The following GPC6 variants were observed in gnomAD, a reference collection of about 807,000 sequenced individuals.
GPC6 encodes glypican 6.
A neutral mutation model predicts 55.2 loss-of-function variants in GPC6; 14 were observed. The observed-to-expected ratio is 0.25, with a 90% CI of 0.17 to 0.40. GPC6 has a LOEUF of 0.40. Ranked by LOEUF, GPC6 falls within the 10% of genes least tolerant of loss-of-function variation. GPC6 has a pLI of 1.00. For missense variants in GPC6, 641 were observed against 708.5 expected (o/e 0.90, Z 1.08); for synonymous variants, 278 against 259.6 (o/e 1.07, Z -0.68).
At chr13:93,652,253 A>G (rs1482666074) in intron 2 of GPC6, among the ~76,000 whole-genome samples, 1 of 152,128 alleles carries the variant, frequency 6.6e-6, no homozygotes, top group Non-Finnish European at 1.5e-5. Context: ...CGGTGAATTT[A>G]TTTTTATAAT....
chr13:93,774,922 A>G (rs1341134681), intron 2 of GPC6, among the ~76,000 whole-genome samples: 1 of 152,152 alleles, frequency 6.6e-6, no homozygotes, highest in Non-Finnish European at 1.5e-5. Context: ...CAGAGAGCTC[A>G]GCCAAGGCCC....
chr13:93,610,280 T>C (rs2139538391), intron 2 of GPC6, among the ~76,000 whole-genome samples: 1 of 152,334 alleles, frequency 6.6e-6, no homozygotes, highest in South Asian at 2.1e-4. Flanking sequence ...ACTGACTCTC[T>C]CAACATCAGA....
intron 1 of GPC6, among the ~76,000 whole-genome samples, chr13:93,393,107 G>GATATATATATATAT (rs374414019): frequency 1.6e-4 from 18 of 114,764 alleles, no homozygotes; most frequent in South Asian, 1.5e-3. Flanking sequence ...ATGTATATTT[G>GATATATATATATAT]ATATATATAT....
Position 94,364,144 on chromosome 13 carries a change from C to T in GPC6, c.1153-18270C>T, listed in dbSNP as rs368322827. On this transcript the variant is annotated intron_variant, in intron 6 of 8. Coordinates refer to ENST00000377047, the MANE Select transcript of GPC6 (RefSeq NM_005708.5). ...TTCAGGCTCTCATTGCTTCTTCGAA[C>T]AGGATGGCCATTTTGCTATTTTACA... 3.3e-5 allele frequency among the ~76,000 whole-genome samples: 5 copies of T among 152,148 alleles called. No homozygotes were observed. In the East Asian group the frequency reaches 9.6e-4, roughly 29 times the overall value.
intron 3 of GPC6, among the ~76,000 whole-genome samples, chr13:93,908,920 ACT>A (rs140180936): frequency 0.021 from 3,136 of 151,870 alleles, 117 homozygotes; most frequent in African/African-American, 0.071. Context: ...AGGCTTCCTG[ACT>A]CTGCTGTGTA....
intron 2 of GPC6, among the ~76,000 whole-genome samples, chr13:93,559,306 T>G (rs1286179894): frequency 6.6e-6 from 1 of 152,164 alleles, no homozygotes; most frequent in Non-Finnish European, 1.5e-5. Context: ...ATTGCTAAAT[T>G]TCATGTGTTA....
intron 6 of GPC6, among the ~76,000 whole-genome samples, chr13:94,376,805 C>T (rs1199079105): frequency 6.6e-6 from 1 of 152,080 alleles, no homozygotes; most frequent in Non-Finnish European, 1.5e-5. Flanking sequence ...AACTATACTA[C>T]AAGGCTACAG....
At chr13:94,007,283 A>G (rs780705217) in intron 3 of GPC6, among the ~76,000 whole-genome samples, 1 of 152,210 alleles carries the variant, frequency 6.6e-6, no homozygotes, top group East Asian at 1.9e-4. Flanking sequence ...ACACATATTT[A>G]TTTATCCCTT....
At chr13:93,687,256 C>T (rs1882084747) in intron 2 of GPC6, among the ~76,000 whole-genome samples, 1 of 151,712 alleles carries the variant, frequency 6.6e-6, no homozygotes, top group African/African-American at 2.4e-5. Flanking sequence ...CAATTCTGTC[C>T]CCCTCATCTC....
intron 6 of GPC6, among the ~76,000 whole-genome samples, chr13:94,367,617 C>A (rs1308033417): frequency 6.6e-6 from 1 of 152,138 alleles, no homozygotes; most frequent in Non-Finnish European, 1.5e-5. Context: ...TCTATCTTTT[C>A]AGGGGCATGC....
At chr13:93,824,492 C>T (rs563088419) in intron 2 of GPC6, among the ~76,000 whole-genome samples, 84 of 152,198 alleles carry the variant, frequency 5.5e-4, no homozygotes, top group Non-Finnish European at 9.1e-4. Flanking sequence ...AGGGACAGAA[C>T]AGCAGAAGCA....
At chr13:93,554,025 G>C (rs1875317353) in intron 2 of GPC6, among the ~76,000 whole-genome samples, 1 of 151,144 alleles carries the variant, frequency 6.6e-6, no homozygotes, top group African/African-American at 2.4e-5. Flanking sequence ...GTGCAGGCCT[G>C]TAATCCCAGC....
intron 1 of GPC6, among the ~76,000 whole-genome samples, chr13:93,407,205 T>C (rs1014586371): frequency 1.3e-5 from 2 of 152,142 alleles, no homozygotes; most frequent in African/African-American, 2.4e-5. Context: ...TGCAACTTAT[T>C]TTCAAATAAT....
At chr13:94,271,376 GCGCGCGCACACA>G (rs1892013848) in intron 4 of GPC6, among the ~76,000 whole-genome samples, 1 of 112,372 alleles carries the variant, frequency 8.9e-6, no homozygotes, top group African/African-American at 3.2e-5. Context: ...ACGCGCGCGC[GCGCGCGCACACA>G]CACACACACA....
At chr13:94,251,375 G>A (rs765206669) in intron 4 of GPC6, among the ~76,000 whole-genome samples, 4 of 151,710 alleles carry the variant, frequency 2.6e-5, no homozygotes, top group Non-Finnish European at 5.9e-5. Context: ...CCTAGATGAC[G>A]GGTTGATAGG....
intron 1 of GPC6, among the ~76,000 whole-genome samples, chr13:93,350,732 A>G (rs1880603001): frequency 6.6e-6 from 1 of 152,204 alleles, no homozygotes; most frequent in Non-Finnish European, 1.5e-5. Context: ...AGATCAAAAT[A>G]TATCTGGACT....
intron 4 of GPC6, among the ~76,000 whole-genome samples, chr13:94,125,980 A>T (rs971711441): frequency 6.6e-6 from 1 of 152,204 alleles, no homozygotes; most frequent in Non-Finnish European, 1.5e-5. Flanking sequence ...CATGTAAATG[A>T]ATATATACAT....
intron 2 of GPC6, among the ~76,000 whole-genome samples, chr13:93,630,576 A>T (rs1340788654): frequency 2.0e-5 from 3 of 152,158 alleles, no homozygotes; most frequent in Non-Finnish European, 4.4e-5. Context: ...TCAGGAGCCA[A>T]TCCTTCTTGG....
At chr13:94,217,875 A>T (rs1253177932) in intron 4 of GPC6, among the ~76,000 whole-genome samples, 1 of 151,756 alleles carries the variant, frequency 6.6e-6, no homozygotes, top group Non-Finnish European at 1.5e-5. Flanking sequence ...AAGGGACATG[A>T]TACAACTTAC....
Sources: gnomAD v4.1 joint callset for allele counts (sites outside exome capture counted in the v4.1 genomes callset) on GRCh38, gnomAD v4.1.1 for gene constraint, MANE v1.5 for transcripts, NCBI Gene and HGNC (gene_info 2026-07-23, HGNC 2026-07-21) for gene names.